PDIA6: variants seen among roughly 807,000 people sequenced by gnomAD.
PDIA6 encodes the protein protein disulfide-isomerase A6.
A neutral mutation model predicts 58.4 loss-of-function variants in PDIA6; 29 were observed. That is an observed-to-expected ratio of 0.50 (90% CI 0.37 to 0.68). The LOEUF (loss-of-function observed/expected upper bound fraction) is 0.68. PDIA6 is among the 30% of genes least tolerant of loss of function. The pLI, the probability that PDIA6 is intolerant of heterozygous loss-of-function variation, is 0.00. For synonymous variants in PDIA6, 192 were observed against 202.6 expected (o/e 0.95, Z 0.44); for missense variants, 480 against 551.0 (o/e 0.87, Z 1.29).
At chr2:10,787,108 G>A (rs995375339) in intron 11 of PDIA6, among the ~76,000 whole-genome samples, 173 bp downstream of exon 11, 3 of 152,110 alleles carry the variant, frequency 2.0e-5, no homozygotes, top group Non-Finnish European at 2.9e-5. Context: ...AAAAAAGAAC[G>A]AACAGGGAGA....
At chr2:10,805,189 C>T (rs1055814419) in intron 1 of PDIA6, among the ~76,000 whole-genome samples, 23 of 146,848 alleles carry the variant, frequency 1.6e-4, no homozygotes, top group Non-Finnish European at 2.9e-4. Flanking sequence ...CCAGAATCTA[C>T]AATGAACTCA....
upstream of PDIA6, among the ~76,000 whole-genome samples, chr2:10,833,196 G>A (rs376281260): frequency 9.1e-4 from 139 of 152,284 alleles, no homozygotes; most frequent in Non-Finnish European, 1.5e-3. Flanking sequence ...TCCGCGGAAG[G>A]GGCCCATGTC....
chr2:10,785,720 C>T (rs1438404379), intron 11 of PDIA6, among the ~76,000 whole-genome samples: 2 of 152,166 alleles, frequency 1.3e-5, no homozygotes, highest in Non-Finnish European at 2.9e-5. Flanking sequence ...CAAACTTAAG[C>T]AGTCCACAAA....
rs148791433 is a variant in PDIA6 at position 10,797,136 on chromosome 2, T to A, written c.291A>T (p.Gly97=). The change falls in exon 4 of 13, where the codon GGA becomes GGT. Residue 97 remains glycine (G), a synonymous_variant. Coordinates refer to ENST00000272227, the MANE Select transcript of PDIA6 (RefSeq NM_005742.4). ...HSLGGQYGVQ[G]FPTIKIFGSN... Reference sequence around the variant, plus strand: ...ATCCAAAAATCTTAATGGTAGGAAATCCCTGAACACCATACTGACCTCCTA... The same window carrying A: ...ATCCAAAAATCTTAATGGTAGGAAAACCCTGAACACCATACTGACCTCCTA... The A allele has an allele frequency of 6.2e-7, 1 of 1,612,840 alleles. No homozygotes were observed. The highest frequency in any genetic ancestry group is 1.3e-5 in the African/African-American group (1 of 74,900).
chr2:10,791,401 C>T (rs1250963040), intron 6 of PDIA6, among the ~76,000 whole-genome samples: 1 of 152,210 alleles, frequency 6.6e-6, no homozygotes, highest in African/African-American at 2.4e-5. Context: ...CTGCCTCGGC[C>T]TCCCAAAGAG....
intron 10 of PDIA6, 95 bp from the exon 11 acceptor site, chr2:10,787,534 A>AT (rs1665829204): frequency 8.7e-7 from 1 of 1,151,022 alleles, no homozygotes; most frequent in African/African-American, 1.5e-5. Context: ...CACGCTTCAG[A>AT]TATTTCGTAG....
intron 7 of PDIA6, 60 bp downstream of exon 7, chr2:10,790,658 TG>T: frequency 8.3e-7 from 1 of 1,203,498 alleles, no homozygotes; most frequent in South Asian, 1.2e-5. Context: ...CCTGGAGTAT[TG>T]GAAGAAGTAA....
intron 11 of PDIA6, among the ~76,000 whole-genome samples, chr2:10,785,881 T>C (rs1250701740): frequency 6.6e-6 from 1 of 152,156 alleles, no homozygotes; most frequent in Non-Finnish European, 1.5e-5. Flanking sequence ...CCTGGCCTAT[T>C]TTTTGTATTT....
Position 10,791,882 on chromosome 2 carries a change from G to C in PDIA6, c.497C>G (p.Thr166Arg). The C allele has an allele frequency of 2.5e-6, 4 of 1,614,064 alleles. No homozygotes were observed. Among genetic ancestry groups the C allele is most frequent in the Non-Finnish European group, 3.4e-6 (4 of 1,179,916 alleles). Residue 166 changes from threonine to arginine, a missense_variant, in exon 6 of 13, where the codon ACA becomes AGA. Physicochemically the swap from Thr to Arg is moderately conservative, Grantham distance 71. Transcript: ENST00000272227. ...AACATTCTTATCAAAGCTGTCGTCTGTCAGCTCAATCACATCCTTCTTACT... is the reference window on the plus strand; with the variant it reads ...AACATTCTTATCAAAGCTGTCGTCTCTCAGCTCAATCACATCCTTCTTACT... ...SSSKKDVIEL[T>R]DDSFDKNVLD...
At chr2:10,791,649 C>T in intron 6 of PDIA6, 146 bp downstream of exon 6, 1 of 696,490 alleles carries the variant, frequency 1.4e-6, no homozygotes, top group Non-Finnish European at 2.3e-6. Flanking sequence ...GCGCTAATGT[C>T]AATGTTTAAT....
chr2:10,836,052 C>CG (rs1553342956), upstream of PDIA6, among the ~76,000 whole-genome samples: 2 of 146,808 alleles, frequency 1.4e-5, no homozygotes. Context: ...GACTCTGTCT[C>CG]AAAAAAAAAA....
chr2:10,788,329 A>T (rs766440413), intron 10 of PDIA6, among the ~76,000 whole-genome samples: 2 of 152,124 alleles, frequency 1.3e-5, no homozygotes, highest in Admixed American at 1.3e-4. Flanking sequence ...TTTTCCTCCC[A>T]TGATAAAGTT....
Position 10,831,006 on chromosome 2 carries a change from C to T in PDIA6, c.-48+1196G>A, listed in dbSNP as rs188942130. ...CTGCACCGGCCCAGCCCCTCACTGT[C>T]CCTGAGCCACAGGGGCTGGCGGGGA... On this transcript the variant is annotated intron_variant, in intron 1 of 13. Coordinates refer to the PDIA6 transcript ENST00000381611. 2.6e-5 allele frequency among the ~76,000 whole-genome samples: 4 copies of T among 152,320 alleles called. No homozygotes were observed. In the East Asian group the frequency reaches 7.7e-4, roughly 29 times the overall value.
intron 1 of PDIA6, among the ~76,000 whole-genome samples, chr2:10,809,665 A>C (rs1393113309): frequency 1.3e-5 from 2 of 148,354 alleles, no homozygotes; most frequent in African/African-American, 2.6e-5. Context: ...AAAAAAAAAA[A>C]AAAAAAACCC....
At position 10,810,302 on chromosome 2, in the gene PDIA6, G is replaced by A. The variant is rs985524571; in HGVS notation, c.19+2376C>T. On this transcript the variant is annotated intron_variant, in intron 1 of 12. Transcript: ENST00000272227. Reference sequence around the variant, plus strand: ...AACCGAAGGGCTGGAGAATGCAGGGGTATAATCCACAGAGCATCATTAGGT... The same window carrying A: ...AACCGAAGGGCTGGAGAATGCAGGGATATAATCCACAGAGCATCATTAGGT... 2.2e-4 allele frequency: 343 copies of A among 1,534,684 alleles called. 1 individual carries two copies. Among genetic ancestry groups the A allele is most frequent in the Non-Finnish European group, 2.7e-4 (311 of 1,146,490 alleles).
chr2:10,799,433 T>C (rs1734354), intron 2 of PDIA6, among the ~76,000 whole-genome samples: 74,185 of 152,024 alleles, frequency 0.49, 19,649 homozygotes, highest in South Asian at 0.58. Context: ...GATGATGGAA[T>C]TGATGTTGAG....
At chr2:10,830,029 C>G (rs1667666446) in intron 1 of PDIA6, among the ~76,000 whole-genome samples, 1 of 152,186 alleles carries the variant, frequency 6.6e-6, no homozygotes, top group African/African-American at 2.4e-5. Context: ...GCTTCTCTGC[C>G]CCCCACTACC....
intron 1 of PDIA6, among the ~76,000 whole-genome samples, chr2:10,822,793 G>C (rs1667438658): frequency 6.6e-6 from 1 of 152,192 alleles, no homozygotes; most frequent in Non-Finnish European, 1.5e-5. Flanking sequence ...ACATATGGTG[G>C]CCACTCCAAA....
At chr2:10,819,484 A>C in intron 1 of PDIA6, 1 of 609,010 alleles carries the variant, frequency 1.6e-6, no homozygotes, top group South Asian at 1.9e-5. Flanking sequence ...TAATCAACGA[A>C]AAGTTATAGT....
Sources: allele counts gnomAD v4.1 joint callset (sites outside exome capture counted in the v4.1 genomes callset), GRCh38; gene constraint gnomAD v4.1.1; transcripts MANE v1.5; gene names NCBI Gene and HGNC (gene_info 2026-07-23, HGNC 2026-07-21).